Variants in HOXB3 observed in about 807,000 individuals in gnomAD.
HOXB3 encodes homeobox B3.
A neutral mutation model predicts 29.2 loss-of-function variants in HOXB3; 17 were observed. That is an observed-to-expected ratio of 0.58 (90% CI 0.40 to 0.87). The LOEUF (loss-of-function observed/expected upper bound fraction) is 0.87. Among genes scored for constraint, HOXB3 ranks in the 40% least tolerant of loss-of-function variants. HOXB3 has a pLI of 0.00. For missense variants in HOXB3, 637 were observed against 616.3 expected (o/e 1.03, Z -0.35); for synonymous variants, 317 against 285.9 (o/e 1.11, Z -1.10).
At chr17:48,571,483 T>C (rs1452733309) in intron 2 of HOXB3, among the ~76,000 whole-genome samples, 1 of 152,216 alleles carries the variant, frequency 6.6e-6, no homozygotes, top group East Asian at 1.9e-4. Flanking sequence ...TTGGGAGGAC[T>C]GGAGTGGCAC....
chr17:48,559,570 TCCATTTTCC>T (rs1315050795), intron 2 of HOXB3: 1 of 152,192 alleles, frequency 6.6e-6, no homozygotes, highest in Non-Finnish European at 1.5e-5. Flanking sequence ...CACCCGAATC[TCCATTTTCC>T]CCTAAGTATT....
At chr17:48,577,993 G>A in intron 1 of HOXB3, 1 of 1,302,712 alleles carries the variant, frequency 7.7e-7, no homozygotes, top group East Asian at 2.8e-5. Flanking sequence ...CCGCCTCGCA[G>A]CGCTGGCCGG....
At chr17:48,563,045 G>A (rs754233255) in intron 2 of HOXB3, among the ~76,000 whole-genome samples, 19 of 152,220 alleles carry the variant, frequency 1.2e-4, no homozygotes, top group Middle Eastern at 3.4e-3. Context: ...GGATCTCCCC[G>A]ATCTTCCCTA....
chr17:48,571,426 G>A (rs1240499619), intron 2 of HOXB3, among the ~76,000 whole-genome samples: 2 of 152,210 alleles, frequency 1.3e-5, no homozygotes, highest in African/African-American at 4.8e-5. Context: ...AGGGAGAATG[G>A]GGAGGGCCGA....
intron 1 of HOXB3, chr17:48,576,284 A>C: frequency 6.5e-6 from 1 of 154,614 alleles, no homozygotes; most frequent in Non-Finnish European, 1.4e-5. Flanking sequence ...TGTCGAGGTA[A>C]TGGTCGCCAC....
At chr17:48,580,331 T>TG (rs1423805500) in intron 1 of HOXB3, 1 of 156,772 alleles carries the variant, frequency 6.4e-6, no homozygotes, top group South Asian at 1.8e-4. Context: ...TTTTTTTTTT[T>TG]TTTTTTAGAA....
At chr17:48,555,684 C>T (rs1304355683) in intron 2 of HOXB3, 66 bp from the exon 3 acceptor site, 1 of 692,416 alleles carries the variant, frequency 1.4e-6, no homozygotes, top group Non-Finnish European at 2.6e-6. Context: ...CCCGCCCCCG[C>T]CCCGCAAAGC....
intron 2 of HOXB3, among the ~76,000 whole-genome samples, chr17:48,567,078 C>T (rs918779098): frequency 6.6e-6 from 1 of 152,208 alleles, no homozygotes; most frequent in Non-Finnish European, 1.5e-5. Flanking sequence ...TCAGACAGTG[C>T]CTCTACCCAT....
chr17:48,577,894 G>T (rs1195033096), intron 1 of HOXB3: 2 of 1,384,864 alleles, frequency 1.4e-6, no homozygotes, highest in African/African-American at 1.5e-5. Context: ...GCATCCAGGG[G>T]TAGACGACGG....
intron 1 of HOXB3, chr17:48,582,401 GCGGACACAGCCACGGGCTC>G (rs999760410): frequency 2.6e-5 from 4 of 152,210 alleles, no homozygotes; most frequent in Non-Finnish European, 5.9e-5. Flanking sequence ...GACCGCGGCG[GCGGACACAGCCACGGGCTC>G]CCTCAGAAGC....
chr17:48,554,728 C>A lies in HOXB3; in HGVS notation c.-159+803G>T. 1.4e-6 allele frequency: 1 copy of A among 702,350 alleles called. No homozygotes were observed. The highest frequency in any genetic ancestry group is 2.7e-5 in the East Asian group (1 of 37,284). 43.5% of individuals were successfully genotyped at this position (702,350 alleles called of 1,614,324 possible). Reference sequence around the variant, plus strand: ...CACACCAGCCGGCCGAGGGCCGAGCCCCGCGGGCGGCAGCAAGTTTTGGGA... The same window carrying A: ...CACACCAGCCGGCCGAGGGCCGAGCACCGCGGGCGGCAGCAAGTTTTGGGA... On this transcript the variant is annotated intron_variant, in intron 3 of 4. Coordinates refer to ENST00000498678, the MANE Select transcript of HOXB3 (RefSeq NM_001384749.1). This position sits in a 1 kb window ranked among gnomAD's most constrained non-coding sequence, Gnocchi z 4.1.
rs951903640 is a variant in HOXB3 at position 48,554,500 on chromosome 17, T to G, written c.-159+1031A>C. On this transcript the variant is annotated intron_variant, in intron 3 of 4. Transcript: ENST00000498678. This position sits in a 1 kb window ranked among gnomAD's most constrained non-coding sequence, Gnocchi z 4.1. ...GAGCCAGAGACGCGATAGGAAAGAA[T>G]GGAGACTCCGCCGGTGGTGCAGACA... 8.0e-6 allele frequency: 5 copies of G among 625,752 alleles called. No individual in the cohort carries two copies. Among genetic ancestry groups the G allele is most frequent in the Non-Finnish European group, 1.4e-5 (5 of 350,712 alleles). The allele number at this position is 625,752 out of a possible 1,614,324, so 38.8% of individuals were successfully genotyped here. A position where few individuals can be genotyped will look rare whatever the true frequency, so the allele number is the denominator to read the frequency against.
rs1346245975 is a variant in HOXB3, at chr17:48,573,837, C to G, written c.-247G>C. 5.7e-6 allele frequency: 4 copies of G among 702,136 alleles called. No homozygotes were observed. In the Admixed American group the frequency reaches 6.0e-5, roughly 11 times the overall value. The allele number at this position is 702,136 out of a possible 1,614,324, so 43.5% of individuals were successfully genotyped here. On this transcript the variant is annotated splice_region_variant and 5_prime_UTR_variant, in exon 2 of 5. Transcript: ENST00000498678. The stretch of plus-strand genomic sequence containing the variant: ...CCAGCCCGGGCCCGGGCTTTGTTAC[C>G]TTTGCGCCTCTCGCCTCCTCTCGCC...
At chr17:48,567,466 C>T (rs977199281) in intron 2 of HOXB3, among the ~76,000 whole-genome samples, 1 of 152,206 alleles carries the variant, frequency 6.6e-6, no homozygotes, top group East Asian at 1.9e-4. Context: ...GGCTCTGGCC[C>T]TCTGCACCTC....
intron 1 of HOXB3, chr17:48,579,815 TA>T (rs1555641495): frequency 1.5e-5 from 7 of 458,052 alleles, no homozygotes; most frequent in East Asian, 1.4e-4. Context: ...CATATATATA[TA>T]TTTTTTTCTT....
At chr17:48,585,496 G>A (rs143293902) in intron 1 of HOXB3, among the ~76,000 whole-genome samples, 3,104 of 152,294 alleles carry the variant, frequency 0.02, 118 homozygotes, top group African/African-American at 0.071. Context: ...GCTCGCTGAC[G>A]CCTCAGAGGC....
chr17:48,553,133 G>C (rs1025184024), intron 3 of HOXB3: 1 of 152,316 alleles, frequency 6.6e-6, no homozygotes, highest in Non-Finnish European at 1.5e-5. Context: ...AGAACAGGCA[G>C]GAGAAGCAAG....
chr17:48,583,206 GGTGCT>G (rs762343556), intron 1 of HOXB3, among the ~76,000 whole-genome samples: 16 of 152,326 alleles, frequency 1.1e-4, no homozygotes, highest in Non-Finnish European at 2.1e-4. Context: ...CCCTGAGAGA[GGTGCT>G]GGGCTGGGCT....
Position 48,550,316 on chromosome 17 carries a change from C to G in HOXB3, c.*18G>C, listed in dbSNP as rs1390378778. On this transcript the variant is annotated 3_prime_UTR_variant, in exon 5 of 5. Coordinates refer to ENST00000498678, the MANE Select transcript of HOXB3 (RefSeq NM_001384749.1). ...CTCTCTTCCTCCCCATCCCCTAATC[C>G]TCGTTCGCCCTTTCCCATCACAGGT... 1.9e-6 allele frequency: 3 copies of G among 1,613,592 alleles called. No individual in the cohort carries two copies. The highest frequency in any genetic ancestry group is 2.5e-6 in the Non-Finnish European group (3 of 1,179,920).
Sources: gnomAD v4.1 joint callset for allele counts (sites outside exome capture counted in the v4.1 genomes callset) on GRCh38, gnomAD v4.1.1 for gene constraint, Gnocchi (gnomAD v3.1) non-coding constraint, MANE v1.5 for transcripts, NCBI Gene and HGNC (gene_info 2026-07-23, HGNC 2026-07-21) for gene names.